The following ATXN7L1 variants were observed in gnomAD, a reference collection of about 807,000 sequenced individuals.
ATXN7L1 encodes the protein ataxin-7-like protein 1.
Under a neutral mutation model 70.8 loss-of-function variants are expected in ATXN7L1, and 15 were observed. The observed-to-expected ratio is 0.21, with a 90% confidence interval of 0.14 to 0.33. The LOEUF (loss-of-function observed/expected upper bound fraction) is 0.33. Ranked by LOEUF, ATXN7L1 falls within the 10% of genes least tolerant of loss-of-function variation. The pLI is 1.00. For missense variants in ATXN7L1, 975 were observed against 1,097.1 expected, an observed-to-expected ratio of 0.89 and a Z score of 1.57; for synonymous variants, 440 against 445.1, an observed-to-expected ratio of 0.99 and a Z score of 0.14.
At chr7:105,867,904 G>A (rs73717289) in intron 2 of ATXN7L1, among the ~76,000 whole-genome samples, 5,527 of 152,198 alleles carry the variant, frequency 0.036, 340 homozygotes, top group African/African-American at 0.12. Context: ...AAGTGGAGGC[G>A]CAAGATGCGG....
At chr7:105,817,806 G>A (rs995065889) in intron 2 of ATXN7L1, among the ~76,000 whole-genome samples, 1 of 152,164 alleles carries the variant, frequency 6.6e-6, no homozygotes, top group Admixed American at 6.5e-5. Context: ...CACACTTGCA[G>A]TTTCAGCTAC....
chr7:105,846,176 T>C (rs1010259148), intron 2 of ATXN7L1, among the ~76,000 whole-genome samples: 1 of 152,056 alleles, frequency 6.6e-6, no homozygotes, highest in Non-Finnish European at 1.5e-5. Flanking sequence ...CTTATACATA[T>C]CCAGAATAAA....
At chr7:105,771,752 AT>A (rs1042860276) in intron 3 of ATXN7L1, among the ~76,000 whole-genome samples, 2 of 152,184 alleles carry the variant, frequency 1.3e-5, no homozygotes, top group Non-Finnish European at 2.9e-5. Context: ...GAAGACAGAG[AT>A]TGTGGATAAC....
At chr7:105,768,960 T>C (rs1400453039) in intron 3 of ATXN7L1, among the ~76,000 whole-genome samples, 1 of 152,214 alleles carries the variant, frequency 6.6e-6, no homozygotes, top group East Asian at 1.9e-4. Flanking sequence ...TGTAAGCCTT[T>C]TCCCCCCCTG....
rs201514886 is a variant in ATXN7L1, at chr7:105,664,563, A to ATGTGTGTGTGTG, written c.578+502_578+503insCACACACACACA. 6.7e-5 allele frequency among the ~76,000 whole-genome samples: 9 copies of ATGTGTGTGTGTG among 134,730 alleles called. 1 individual carries two copies. The highest frequency in any genetic ancestry group is 2.2e-4 in the Admixed American group (3 of 13,808). 88.4% of individuals were successfully genotyped at this position (134,730 alleles called of 152,430 possible). On this transcript the variant is annotated intron_variant, in intron 4 of 11. Coordinates refer to ENST00000419735, the MANE Select transcript of ATXN7L1 (RefSeq NM_020725.2). ...TATGTATAATATACATATATATATT[A>ATGTGTGTGTGTG]TGTATGTGTGTGTATATATATATAT...
At position 105,786,549 on chromosome 7, in the gene ATXN7L1, C is replaced by A. The variant is rs148445060; in HGVS notation, c.355+2055G>T. Among the ~76,000 whole-genome samples the A allele has an allele frequency of 6.2e-3, 939 of 152,292 alleles. 7 individuals carry two copies. The highest frequency in any genetic ancestry group is 9.8e-3 in the Non-Finnish European group (669 of 68,014). The stretch of plus-strand genomic sequence containing the variant: ...TTGTTTGTTTCTCTTGAGACAGGGT[C>A]TTGCTCTGTTGCCCAGAATGGAGTA... On this transcript the variant is annotated intron_variant, in intron 3 of 11. Coordinates refer to ENST00000419735, the MANE Select transcript of ATXN7L1 (RefSeq NM_020725.2).
chr7:105,789,969 C>T (rs1804898032), intron 2 of ATXN7L1, among the ~76,000 whole-genome samples: 2 of 152,128 alleles, frequency 1.3e-5, no homozygotes. Flanking sequence ...ATTATCCATC[C>T]ACTGAAAGGA....
intron 3 of ATXN7L1, among the ~76,000 whole-genome samples, chr7:105,759,969 C>T (rs1309192108): frequency 1.3e-5 from 2 of 152,114 alleles, no homozygotes; most frequent in Non-Finnish European, 2.9e-5. Context: ...CTGGAGGTCA[C>T]CAGTGATTTC....
intron 3 of ATXN7L1, among the ~76,000 whole-genome samples, chr7:105,682,167 G>C (rs1476945128): frequency 1.3e-5 from 2 of 152,146 alleles, no homozygotes; most frequent in East Asian, 3.8e-4. Context: ...GGAGGTTGCA[G>C]TAAGCCGAGA....
At chr7:105,851,986 C>T (rs1282251327) in intron 2 of ATXN7L1, among the ~76,000 whole-genome samples, 1 of 152,172 alleles carries the variant, frequency 6.6e-6, no homozygotes, top group African/African-American at 2.4e-5. Flanking sequence ...CTTCCACCAC[C>T]ATCTTTGGTC....
chr7:105,849,319 G>C (rs909953825), intron 2 of ATXN7L1, among the ~76,000 whole-genome samples: 1 of 152,246 alleles, frequency 6.6e-6, no homozygotes, highest in Non-Finnish European at 1.5e-5. Flanking sequence ...TGATATGCAG[G>C]TGGGGAGGGC....
At chr7:105,640,955 A>G (rs1384923158) in intron 5 of ATXN7L1, among the ~76,000 whole-genome samples, 2 of 152,252 alleles carry the variant, frequency 1.3e-5, no homozygotes, top group Non-Finnish European at 2.9e-5. Context: ...TGCAAACTCA[A>G]AAAAGGTTCC....
chr7:105,861,081 G>C lies in ATXN7L1; in HGVS notation c.250+14731C>G, dbSNP rs115455032. Reference sequence around the variant, plus strand: ...GGCTGGCCCTGGGGAAGGAGGATGAGGGGCAAGGGGAAGGGGAGAAGGGGA... The same window carrying C: ...GGCTGGCCCTGGGGAAGGAGGATGACGGGCAAGGGGAAGGGGAGAAGGGGA... On this transcript the variant is annotated intron_variant, in intron 2 of 11. Transcript: ENST00000419735. Among the ~76,000 whole-genome samples the C allele has an allele frequency of 1.6e-3, 238 of 152,254 alleles. 2 individuals carry two copies. The highest frequency in any genetic ancestry group is 5.5e-3 in the African/African-American group (228 of 41,550).
intron 4 of ATXN7L1, among the ~76,000 whole-genome samples, chr7:105,660,161 G>A (rs537805068): frequency 1.3e-3 from 198 of 151,950 alleles, no homozygotes; most frequent in Non-Finnish European, 2.4e-3. Flanking sequence ...CTGTCACCAC[G>A]CCTCGCCTGG....
intron 3 of ATXN7L1, among the ~76,000 whole-genome samples, chr7:105,705,907 C>T (rs572360260): frequency 6.6e-6 from 1 of 152,298 alleles, no homozygotes; most frequent in East Asian, 1.9e-4. Flanking sequence ...CACGTGGCTC[C>T]GTAGTAACAG....
At chr7:105,750,104 G>A (rs1279415985) in intron 3 of ATXN7L1, among the ~76,000 whole-genome samples, 1 of 151,834 alleles carries the variant, frequency 6.6e-6, no homozygotes, top group Non-Finnish European at 1.5e-5. Context: ...TGAACCATGT[G>A]TAGACTGCAG....
intron 2 of ATXN7L1, among the ~76,000 whole-genome samples, chr7:105,789,418 C>G (rs1310072077): frequency 6.6e-6 from 1 of 152,162 alleles, no homozygotes; most frequent in Non-Finnish European, 1.5e-5. Flanking sequence ...TTGCCTGCAG[C>G]TGTGTTAGGG....
At chr7:105,857,420 G>A (rs1339232299) in intron 2 of ATXN7L1, among the ~76,000 whole-genome samples, 3 of 152,156 alleles carry the variant, frequency 2.0e-5, no homozygotes, top group African/African-American at 7.2e-5. Context: ...TAGAGGGCAG[G>A]GCCACTGTTC....
At chr7:105,856,423 T>G (rs1013058106) in intron 2 of ATXN7L1, among the ~76,000 whole-genome samples, 5 of 151,902 alleles carry the variant, frequency 3.3e-5, no homozygotes, top group African/African-American at 7.3e-5. Context: ...CTGTTTCTAT[T>G]AAAAATACAA....
Sources: gnomAD v4.1 joint callset for allele counts (sites outside exome capture counted in the v4.1 genomes callset) on GRCh38, gnomAD v4.1.1 for gene constraint, MANE v1.5 for transcripts, NCBI Gene and HGNC (gene_info 2026-07-23, HGNC 2026-07-21) for gene names.